FGF13: variants seen among roughly 807,000 people sequenced by gnomAD.
The protein encoded by FGF13 is fibroblast growth factor 13.
In FGF13, 2 loss-of-function variants were observed where a neutral mutation model predicts 19.5. The ratio of observed to expected loss-of-function variants is 0.10; its 90% CI spans 0.04 to 0.32. The LOEUF (loss-of-function observed/expected upper bound fraction) is 0.32, where lower values mean the gene tolerates loss of function less well. FGF13 is among the 10% of genes least tolerant of loss of function. The pLI is 1.00. For missense variants in FGF13, 113 were observed against 192.7 expected, an observed-to-expected ratio of 0.59 and a Z score of 2.45; for synonymous variants, 72 against 76.9, an observed-to-expected ratio of 0.94 and a Z score of 0.33.
intron 1 of FGF13, among the ~76,000 whole-genome samples, chrX:138,865,318 A>G (rs142632446): frequency 8.9e-6 from 1 of 111,742 alleles, no homozygotes; most frequent in African/African-American, 3.3e-5. Context: ...CTGGGGCCTG[A>G]GCACTGGTAG....
intron 1 of FGF13, among the ~76,000 whole-genome samples, chrX:139,131,382 G>GGT (rs10541863): frequency 0.034 from 3,085 of 91,389 alleles, 63 homozygotes; most frequent in Non-Finnish European, 0.048. Flanking sequence ...AATATAGAGG[G>GGT]GTGTGTGTGT....
chrX:139,182,813 T>C (rs538489679), intron 1 of FGF13, among the ~76,000 whole-genome samples: 1 of 112,151 alleles, frequency 8.9e-6, no homozygotes, highest in South Asian at 3.8e-4. Context: ...AGTCCATTCA[T>C]TAAAAAAGTA....
chrX:139,077,271 A>G (rs2083338723), intron 1 of FGF13, among the ~76,000 whole-genome samples: 2 of 112,263 alleles, frequency 1.8e-5, no homozygotes, highest in Admixed American at 1.9e-4. Flanking sequence ...TTGAAAAGCC[A>G]ATGGAAGATA....
intron 3 of FGF13, among the ~76,000 whole-genome samples, chrX:138,824,134 A>G (rs967380325): frequency 8.9e-6 from 1 of 112,370 alleles, no homozygotes. Context: ...CAAAAAGGAA[A>G]GGAGGATTAA....
intron 1 of FGF13, among the ~76,000 whole-genome samples, chrX:138,928,483 A>C (rs1261889660): frequency 9.1e-6 from 1 of 110,411 alleles, no homozygotes; most frequent in Non-Finnish European, 1.9e-5. Flanking sequence ...TCGGCCTTTG[A>C]GGGACACACT....
Position 138,626,425 on chromosome X carries a change from C to T in FGF13, c.*6425G>A, listed in dbSNP as rs899708592. The stretch of plus-strand genomic sequence containing the variant: ...TTCTGGCTGTTGAATTCCTACTCAT[C>T]TTTTAAGACTCCACTGAAACATTAA... On this transcript the variant is annotated 3_prime_UTR_variant, in exon 5 of 5. Coordinates refer to ENST00000315930, the MANE Select transcript of FGF13 (RefSeq NM_004114.5). 5 of 112,256 alleles carry T rather than the reference C, an allele frequency of 4.5e-5. No homozygotes were observed. The highest frequency in any genetic ancestry group is 1.6e-4 in the African/African-American group (5 of 30,871). The allele number at this position is 112,256 out of a possible 1,213,427, so 9.3% of individuals were successfully genotyped here.
chrX:138,791,513 T>G (rs925107024), intron 3 of FGF13, among the ~76,000 whole-genome samples: 14 of 112,429 alleles, frequency 1.2e-4, no homozygotes, highest in Admixed American at 8.5e-4. Context: ...CTTCTACCAT[T>G]GGTTGTGCTG....
At chrX:138,791,091 G>C (rs1468539831) in intron 3 of FGF13, among the ~76,000 whole-genome samples, 1 of 112,250 alleles carries the variant, frequency 8.9e-6, no homozygotes, top group African/African-American at 3.2e-5. Flanking sequence ...TTAACAAAAA[G>C]AAAACCAAAA....
At chrX:139,075,505 T>G (rs1200050564) in intron 1 of FGF13, among the ~76,000 whole-genome samples, 2 of 112,018 alleles carry the variant, frequency 1.8e-5, no homozygotes, top group Non-Finnish European at 3.8e-5. Context: ...CTCAAAATCC[T>G]TATAAGCCTA....
intron 3 of FGF13, among the ~76,000 whole-genome samples, chrX:138,651,838 C>T (rs967084683): frequency 1.8e-5 from 2 of 112,120 alleles, no homozygotes; most frequent in East Asian, 5.6e-4. Context: ...AGTGAGGCCA[C>T]ATGGGGTGGA....
At chrX:139,137,645 T>C (rs147483722) in intron 1 of FGF13, among the ~76,000 whole-genome samples, 281 of 112,259 alleles carry the variant, frequency 2.5e-3, no homozygotes, top group Non-Finnish European at 3.9e-3. Flanking sequence ...CAGGCCCTAA[T>C]TGAGGAACAC....
chrX:138,899,027 T>C (rs973438942), intron 1 of FGF13, among the ~76,000 whole-genome samples: 3 of 111,195 alleles, frequency 2.7e-5, no homozygotes, highest in Non-Finnish European at 5.6e-5. Context: ...CCCTGCTCCA[T>C]CACGATTCCA....
Position 138,992,961 on chromosome X carries a change from G to T in FGF13, c.-112-128311C>A, listed in dbSNP as rs144130963. ...TTAACATCACCAGTAAGGAGACATAGAGAAATTATGTACCTCTTGATATCA... is the reference window on the plus strand; with the variant it reads ...TTAACATCACCAGTAAGGAGACATATAGAAATTATGTACCTCTTGATATCA... On this transcript the variant is annotated intron_variant, in intron 1 of 2. Transcript: ENST00000421460. Among the ~76,000 whole-genome samples the T allele has an allele frequency of 5.6e-3, 625 of 112,057 alleles. 2 individuals are homozygous for T. The highest frequency in any genetic ancestry group is 8.8e-3 in the Non-Finnish European group (469 of 53,110).
intron 1 of FGF13, 111 bp downstream of exon 1, chrX:138,710,706 T>C (rs1661982866): frequency 8.8e-7 from 1 of 1,131,588 alleles, no homozygotes; most frequent in Non-Finnish European, 1.2e-6. Flanking sequence ...AGGTGGCCTC[T>C]TCTGCACAAG....
chrX:138,757,792 T>C (rs2090440723), intron 3 of FGF13, among the ~76,000 whole-genome samples: 1 of 111,953 alleles, frequency 8.9e-6, no homozygotes, highest in Non-Finnish European at 1.9e-5. Context: ...GAGAACCTAC[T>C]ATACACCAGA....
chrX:139,158,731 T>C (rs1425957464), intron 1 of FGF13, among the ~76,000 whole-genome samples: 2 of 110,636 alleles, frequency 1.8e-5, no homozygotes, highest in Non-Finnish European at 3.8e-5. Flanking sequence ...ATATCAGAGA[T>C]TGAAGATCAA....
At chrX:139,165,695 C>T (rs942299228) in intron 1 of FGF13, among the ~76,000 whole-genome samples, 3 of 111,248 alleles carry the variant, frequency 2.7e-5, no homozygotes, top group Non-Finnish European at 3.8e-5. Flanking sequence ...GGATTTCAAG[C>T]GGCCCAAGGT....
chrX:139,037,006 T>A (rs1053470154), intron 1 of FGF13, among the ~76,000 whole-genome samples: 3 of 110,992 alleles, frequency 2.7e-5, no homozygotes, highest in Non-Finnish European at 5.7e-5. Context: ...TCAGTGAGCA[T>A]TGATACTCTG....
chrX:138,836,881 G>GTT (rs199771150), intron 3 of FGF13, among the ~76,000 whole-genome samples: 3 of 96,872 alleles, frequency 3.1e-5, no homozygotes, highest in Non-Finnish European at 2.1e-5. Context: ...TTGGTGGTGG[G>GTT]TTTTTTTTTT....
Sources: gnomAD v4.1 joint callset for allele counts (sites outside exome capture counted in the v4.1 genomes callset) on GRCh38, gnomAD v4.1.1 for gene constraint, MANE v1.5 for transcripts, NCBI Gene and HGNC (gene_info 2026-07-23, HGNC 2026-07-21) for gene names.